DLG2: variants seen among roughly 807,000 people sequenced by gnomAD.
DLG2 encodes the protein discs large MAGUK scaffold protein 2, also known as disks large homolog 2.
Under a neutral mutation model 132.5 loss-of-function variants are expected in DLG2, and 45 were observed. The ratio of observed to expected loss-of-function variants is 0.34; its 90% confidence interval spans 0.27 to 0.44. DLG2 has a LOEUF of 0.44. DLG2 is among the 20% of genes least tolerant of loss of function. DLG2 has a pLI of 1.00. For synonymous variants in DLG2, 424 were observed against 419.6 expected (o/e 1.01, Z -0.13); for missense variants, 1,045 against 1,196.9 (o/e 0.87, Z 1.87).
intron 5 of DLG2, among the ~76,000 whole-genome samples, chr11:85,130,062 G>A (rs534782550): frequency 3.3e-5 from 5 of 152,146 alleles, no homozygotes; most frequent in African/African-American, 7.2e-5. Flanking sequence ...TTTGAGGGGT[G>A]GGGGGCAAGA....
intron 11 of DLG2, among the ~76,000 whole-genome samples, chr11:83,990,531 G>T (rs904192455): frequency 6.6e-6 from 1 of 152,294 alleles, no homozygotes; most frequent in South Asian, 2.1e-4. Context: ...GGAGGTGTCA[G>T]TGAGAGGTGG....
At chr11:84,783,240 G>C (rs1328617378) in intron 6 of DLG2, among the ~76,000 whole-genome samples, 1 of 152,094 alleles carries the variant, frequency 6.6e-6, no homozygotes, top group Non-Finnish European at 1.5e-5. Flanking sequence ...TCACTTACTA[G>C]CTATTTTCAT....
At position 84,508,690 on chromosome 11, in the gene DLG2, G is replaced by A. The variant is rs112837066; in HGVS notation, c.519+25880C>T. On this transcript the variant is annotated intron_variant, in intron 7 of 27. Transcript: ENST00000376104. ...GCTGGGATTACAAGCATGAGACACC[G>A]TGCCTGGCCATTATATTGCTTTTTT... Among the ~76,000 whole-genome samples, 10 of 152,242 alleles carry A rather than the reference G, an allele frequency of 6.6e-5. 1 individual carries two copies. Among genetic ancestry groups the A allele is most frequent in the East Asian group, 3.9e-4 (2 of 5,178 alleles).
intron 6 of DLG2, among the ~76,000 whole-genome samples, chr11:84,682,765 C>T (rs908496744): frequency 6.6e-6 from 1 of 152,172 alleles, no homozygotes; most frequent in Non-Finnish European, 1.5e-5. Flanking sequence ...AGCCTTTACT[C>T]AGTGACTTGG....
rs1337009264 is a variant in DLG2, at chr11:84,700,311, A to G, written c.358-165580T>C. ...TCCAGTTCAGCCAACCTCAGAATAC[A>G]TAAATGAATGCTAAGTGCAAAAAAA... is the stretch of plus-strand genomic sequence containing the variant. On this transcript the variant is annotated intron_variant, in intron 6 of 27. Coordinates refer to ENST00000376104, the MANE Select transcript of DLG2 (RefSeq NM_001142699.3). 2.6e-5 allele frequency among the ~76,000 whole-genome samples: 4 copies of G among 151,600 alleles called. No homozygotes were observed. The South Asian group carries it at 6.2e-4, about 24-fold the overall frequency.
At chr11:83,719,973 CT>C (rs2087907575) in intron 18 of DLG2, among the ~76,000 whole-genome samples, 1 of 152,000 alleles carries the variant, frequency 6.6e-6, no homozygotes, top group African/African-American at 2.4e-5. Context: ...CTCTTGTATA[CT>C]GTGAATAAGA....
rs549175168 is a variant in DLG2, at chr11:84,025,608, T to A, written c.919+33707A>T. 3.3e-5 allele frequency among the ~76,000 whole-genome samples: 5 copies of A among 152,214 alleles called. No homozygotes were observed. In the South Asian group the frequency reaches 1.0e-3, roughly 32 times the overall value. On this transcript the variant is annotated intron_variant, in intron 11 of 27. Transcript: ENST00000376104. ...AACTTTTAAAATCTCATTGTGAATA[T>A]TCTTCTAGAAACATGAATGGAAACC...
At chr11:83,702,970 C>T (rs1232788008) in intron 18 of DLG2, among the ~76,000 whole-genome samples, 1 of 152,196 alleles carries the variant, frequency 6.6e-6, no homozygotes, top group Non-Finnish European at 1.5e-5. Context: ...CTGTAAATGA[C>T]AATATAATGA....
intron 4 of DLG2, among the ~76,000 whole-genome samples, chr11:85,205,811 A>G (rs770365911): frequency 1.3e-5 from 2 of 152,280 alleles, no homozygotes; most frequent in African/African-American, 2.4e-5. Context: ...CTATTCAACT[A>G]TATCTTCTCC....
At chr11:83,740,938 A>G (rs1044727412) in intron 18 of DLG2, among the ~76,000 whole-genome samples, 1 of 152,208 alleles carries the variant, frequency 6.6e-6, no homozygotes, top group Non-Finnish European at 1.5e-5. Context: ...CTAGCAGAAC[A>G]TCAAAAAGTT....
intron 2 of DLG2, among the ~76,000 whole-genome samples, chr11:85,618,663 G>A (rs2081501552): frequency 6.6e-6 from 1 of 152,164 alleles, no homozygotes; most frequent in African/African-American, 2.4e-5. Flanking sequence ...TCAATACCTA[G>A]GTGACAGAAT....
intron 17 of DLG2, among the ~76,000 whole-genome samples, chr11:83,812,614 T>A (rs1341214215): frequency 6.6e-6 from 1 of 152,162 alleles, no homozygotes; most frequent in Non-Finnish European, 1.5e-5. Flanking sequence ...ACTGTTTTGG[T>A]CTTAAACTTA....
At chr11:83,633,178 A>C (rs764291616) in intron 19 of DLG2, 33 bp downstream of exon 19, 1 of 1,595,208 alleles carries the variant, frequency 6.3e-7, no homozygotes. Context: ...AATTGCTCAC[A>C]AAGTGCAGAT....
Position 83,482,786 on chromosome 11 carries a change from T to TAACA in DLG2, c.2293+1339_2293+1342dup, listed in dbSNP as rs1192324254. Reference sequence around the variant, plus strand: ...TTTGACTACGAAACAGCTCCTTTACTAACAGCAAAGTGCAACCCAATTATG... The same window carrying TAACA: ...TTTGACTACGAAACAGCTCCTTTACTAACAAACAGCAAAGTGCAACCCAATTATG... On this transcript the variant is annotated intron_variant, in intron 22 of 27. Coordinates refer to ENST00000376104, the MANE Select transcript of DLG2 (RefSeq NM_001142699.3). Among the ~76,000 whole-genome samples, 6 of 152,290 alleles carry TAACA rather than the reference T, an allele frequency of 3.9e-5. No individual in the cohort carries two copies. In the South Asian group the frequency reaches 8.3e-4, roughly 21 times the overall value.
At chr11:85,039,447 C>A (rs556266350) in intron 6 of DLG2, among the ~76,000 whole-genome samples, 3 of 151,916 alleles carry the variant, frequency 2.0e-5, no homozygotes, top group Non-Finnish European at 2.9e-5. Flanking sequence ...GCTTTCATTT[C>A]TTTTCCTACC....
chr11:85,087,851 A>AAAAAAAAAAC (rs2068175360), intron 6 of DLG2, among the ~76,000 whole-genome samples: 1 of 145,406 alleles, frequency 6.9e-6, no homozygotes, highest in African/African-American at 2.5e-5. Context: ...TCTCAAAAAA[A>AAAAAAAAAAC]AAAAAAAAAA....
intron 6 of DLG2, among the ~76,000 whole-genome samples, chr11:84,879,674 A>G (rs1256744202): frequency 1.3e-5 from 2 of 152,118 alleles, no homozygotes; most frequent in Non-Finnish European, 2.9e-5. Context: ...AGGACGTTCA[A>G]TTGTCAATAA....
At chr11:84,491,122 T>C (rs901477981) in intron 7 of DLG2, among the ~76,000 whole-genome samples, 2 of 152,032 alleles carry the variant, frequency 1.3e-5, no homozygotes, top group Non-Finnish European at 2.9e-5. Flanking sequence ...TCAGAGCACA[T>C]TGCCAAAGTC....
At chr11:83,704,055 A>T (rs540300815) in intron 18 of DLG2, among the ~76,000 whole-genome samples, 1 of 152,322 alleles carries the variant, frequency 6.6e-6, no homozygotes, top group South Asian at 2.1e-4. Context: ...AATGGCAAGG[A>T]CCTACAACAA....
Sources: allele counts gnomAD v4.1 joint callset (sites outside exome capture counted in the v4.1 genomes callset), GRCh38; gene constraint gnomAD v4.1.1; transcripts MANE v1.5; gene names NCBI Gene and HGNC (gene_info 2026-07-23, HGNC 2026-07-21).